BMERB1: variants seen among roughly 807,000 people sequenced by gnomAD.
BMERB1 encodes the protein bMERB domain containing 1, also known as bMERB domain-containing protein 1.
In BMERB1, 12 loss-of-function variants were observed where a neutral mutation model predicts 23.6. The ratio of observed to expected loss-of-function variants is 0.51; its 90% CI spans 0.33 to 0.82. The LOEUF (loss-of-function observed/expected upper bound fraction) is 0.82, where lower values mean the gene tolerates loss of function less well. Among genes scored for constraint, BMERB1 ranks in the 40% least tolerant of loss-of-function variants. The pLI is 0.03. For missense variants in BMERB1, 247 were observed against 255.4 expected (o/e 0.97, Z 0.22); for synonymous variants, 122 against 96.6 (o/e 1.26, Z -1.54).
chr16:15,500,811 G>T (rs534928091), intron 1 of BMERB1, among the ~76,000 whole-genome samples: 1 of 152,004 alleles, frequency 6.6e-6, no homozygotes, highest in Non-Finnish European at 1.5e-5. Flanking sequence ...GCCACCAGAC[G>T]TGGCTATTTT....
chr16:15,549,348 CA>C (rs11367653), intron 2 of BMERB1, among the ~76,000 whole-genome samples: 39,271 of 93,908 alleles, frequency 0.42, 5,989 homozygotes, highest in East Asian at 0.59. Context: ...GATTCTATCT[CA>C]AAAAAAAAAA....
At chr16:15,494,299 A>G (rs955706823) in intron 1 of BMERB1, among the ~76,000 whole-genome samples, 2 of 152,132 alleles carry the variant, frequency 1.3e-5, no homozygotes, top group African/African-American at 2.4e-5. Flanking sequence ...TATATACTTT[A>G]TTCTCTCATA....
chr16:15,492,163 A>G (rs1187184488), intron 1 of BMERB1, among the ~76,000 whole-genome samples: 1 of 152,106 alleles, frequency 6.6e-6, no homozygotes, highest in Non-Finnish European at 1.5e-5. Flanking sequence ...AAGTATCCCA[A>G]CTGGCTGCAC....
At chr16:15,455,916 T>C (rs1055974407) in intron 1 of BMERB1, among the ~76,000 whole-genome samples, 2 of 152,224 alleles carry the variant, frequency 1.3e-5, no homozygotes, top group Non-Finnish European at 2.9e-5. Context: ...TCGTTAATGT[T>C]TGACTATTCT....
At chr16:15,520,313 C>T (rs189030087) in intron 2 of BMERB1, among the ~76,000 whole-genome samples, 3 of 151,954 alleles carry the variant, frequency 2.0e-5, no homozygotes, top group South Asian at 2.1e-4. Context: ...TCTTTTACAA[C>T]GCAAGGACAA....
chr16:15,480,576 A>G (rs1290223672), intron 1 of BMERB1, among the ~76,000 whole-genome samples: 2 of 82,018 alleles, frequency 2.4e-5, no homozygotes, highest in Admixed American at 2.4e-4. Context: ...ATATATATTT[A>G]TTTGTTCATC....
intron 2 of BMERB1, among the ~76,000 whole-genome samples, chr16:15,567,011 T>C (rs2030585196): frequency 6.6e-6 from 1 of 151,814 alleles, no homozygotes; most frequent in African/African-American, 2.4e-5. Context: ...ACGAGGTCCC[T>C]CTCTCTACAA....
chr16:15,573,172 T>G (rs1231484672), intron 3 of BMERB1, among the ~76,000 whole-genome samples: 1 of 152,178 alleles, frequency 6.6e-6, no homozygotes, highest in Non-Finnish European at 1.5e-5. Context: ...AACAGTTTAT[T>G]TGCAAGGCTC....
At chr16:15,445,550 C>T (rs2050981801) in intron 1 of BMERB1, among the ~76,000 whole-genome samples, 1 of 152,024 alleles carries the variant, frequency 6.6e-6, no homozygotes, top group Non-Finnish European at 1.5e-5. Flanking sequence ...TGTGGAATCA[C>T]CATTAATTGT....
intron 3 of BMERB1, among the ~76,000 whole-genome samples, chr16:15,573,153 TA>T (rs980218929): frequency 2.0e-5 from 3 of 152,030 alleles, no homozygotes; most frequent in Non-Finnish European, 4.4e-5. Flanking sequence ...TTTGCAGTGG[TA>T]AAAAGGAAAC....
rs556635451 is a variant in BMERB1, at chr16:15,513,889, G to A, written c.107-1416G>A. 3.3e-5 allele frequency among the ~76,000 whole-genome samples: 5 copies of A among 151,472 alleles called. No individual in the cohort carries two copies. The East Asian group carries it at 7.8e-4, about 24-fold the overall frequency. Reference sequence around the variant, plus strand: ...AGCCTGGGCAACAGGGCGAGACTCCGTCTCAAAAAAGAAAAAAAAGTGTGT... The same window carrying A: ...AGCCTGGGCAACAGGGCGAGACTCCATCTCAAAAAAGAAAAAAAAGTGTGT... On this transcript the variant is annotated intron_variant, in intron 1 of 5. Transcript: ENST00000300006.
At chr16:15,497,904 C>G (rs1339672832) in intron 1 of BMERB1, among the ~76,000 whole-genome samples, 1 of 152,198 alleles carries the variant, frequency 6.6e-6, no homozygotes, top group Non-Finnish European at 1.5e-5. Flanking sequence ...TCCCTCTCTT[C>G]AAGAGCACTC....
At chr16:15,539,778 G>A (rs2052060771) in intron 2 of BMERB1, among the ~76,000 whole-genome samples, 2 of 151,694 alleles carry the variant, frequency 1.3e-5, no homozygotes, top group African/African-American at 2.4e-5. Flanking sequence ...GGGAGGTGGA[G>A]GTTGCAGTGA....
At chr16:15,501,287 C>CTTT (rs71152437) in intron 1 of BMERB1, among the ~76,000 whole-genome samples, 3 of 64,896 alleles carry the variant, frequency 4.6e-5, no homozygotes, top group African/African-American at 1.8e-4. Context: ...GCTCTTTTTA[C>CTTT]TTTTTTTTTT....
At chr16:15,488,421 A>G (rs1355810480) in intron 1 of BMERB1, among the ~76,000 whole-genome samples, 1 of 152,168 alleles carries the variant, frequency 6.6e-6, no homozygotes, top group African/African-American at 2.4e-5. Context: ...GTGCATTAGC[A>G]TTCTGACAGC....
rs1301268576 is a variant in BMERB1 at position 15,588,063 on chromosome 16, A to C, written c.*1234A>C. ...AAAAGTATGAAGAAGTTTGTCTTAA[A>C]AAAAAAAAAAATTATTCCTCCAACT... On this transcript the variant is annotated 3_prime_UTR_variant, in exon 6 of 6. Coordinates refer to ENST00000300006, the MANE Select transcript of BMERB1 (RefSeq NM_033201.3). 1 of 145,982 alleles carries C rather than the reference A, an allele frequency of 6.9e-6. No homozygotes were observed. The highest frequency in any genetic ancestry group is 1.5e-5 in the Non-Finnish European group (1 of 66,958). The allele number at this position is 145,982 out of a possible 1,614,324, so 9.0% of individuals were successfully genotyped here. A position where few individuals can be genotyped will look rare whatever the true frequency, so the allele number is the denominator to read the frequency against.
chr16:15,468,343 G>T (rs1203442715), intron 1 of BMERB1, among the ~76,000 whole-genome samples: 1 of 151,314 alleles, frequency 6.6e-6, no homozygotes, highest in Non-Finnish European at 1.5e-5. Flanking sequence ...ATGGGGTTTG[G>T]CTGTGTTGGA....
intron 1 of BMERB1, among the ~76,000 whole-genome samples, chr16:15,448,791 C>T (rs797017120): frequency 1.3e-5 from 2 of 151,556 alleles, no homozygotes; most frequent in Non-Finnish European, 2.9e-5. Flanking sequence ...GAATCTGTCT[C>T]AAAAAAAACT....
At chr16:15,436,255 AGCTT>A (rs2050887152) in intron 1 of BMERB1, among the ~76,000 whole-genome samples, 1 of 115,708 alleles carries the variant, frequency 8.6e-6, no homozygotes, top group South Asian at 2.9e-4. Context: ...CTTTTAGTTT[AGCTT>A]TTTTTTTTTT....
Sources: allele counts gnomAD v4.1 joint callset (sites outside exome capture counted in the v4.1 genomes callset), GRCh38; gene constraint gnomAD v4.1.1; transcripts MANE v1.5; gene names NCBI Gene and HGNC (gene_info 2026-07-23, HGNC 2026-07-21).